Variants in CCT6B observed in about 807,000 individuals in gnomAD.
CCT6B encodes the protein chaperonin containing TCP1 subunit 6B.
A neutral mutation model predicts 61.5 loss-of-function variants in CCT6B; 49 were observed. The ratio of observed to expected loss-of-function variants is 0.80; its 90% confidence interval spans 0.63 to 1.01. The LOEUF is 1.01. CCT6B is among the 50% of genes least tolerant of loss of function. The pLI, the probability that CCT6B is intolerant of heterozygous loss-of-function variation, is 0.00. For missense variants in CCT6B, 666 were observed against 634.7 expected, an observed-to-expected ratio of 1.05 and a Z score of -0.53; for synonymous variants, 228 against 214.5, an observed-to-expected ratio of 1.06 and a Z score of -0.55.
intron 10 of CCT6B, among the ~76,000 whole-genome samples, chr17:34,937,898 T>G (rs2142145301): frequency 6.6e-6 from 1 of 152,022 alleles, no homozygotes; most frequent in East Asian, 1.9e-4. Context: ...TCTCTTTTTT[T>G]TTTTTCTGGA....
At chr17:34,944,922 T>C (rs1024631434) in intron 5 of CCT6B, among the ~76,000 whole-genome samples, 5 of 152,120 alleles carry the variant, frequency 3.3e-5, no homozygotes, top group African/African-American at 9.7e-5. Flanking sequence ...CGAGACTCCG[T>C]CTCAAAAAAG....
intron 10 of CCT6B, among the ~76,000 whole-genome samples, chr17:34,932,833 C>T (rs986317452): frequency 6.6e-6 from 1 of 152,130 alleles, no homozygotes; most frequent in South Asian, 2.1e-4. Context: ...CCAGGCTGTA[C>T]TGTAGTGGCA....
chr17:34,952,949 A>G (rs945016024), intron 4 of CCT6B, among the ~76,000 whole-genome samples: 1 of 152,170 alleles, frequency 6.6e-6, no homozygotes, highest in Non-Finnish European at 1.5e-5. Flanking sequence ...ATTTGGGGCC[A>G]TTCAAGTACT....
At chr17:34,935,658 C>G (rs2090085463) in intron 10 of CCT6B, among the ~76,000 whole-genome samples, 1 of 151,958 alleles carries the variant, frequency 6.6e-6, no homozygotes, top group Admixed American at 6.5e-5. Context: ...GAGTTCGAGA[C>G]CAGCCAGGCC....
chr17:34,944,905 G>T (rs1297885660), intron 5 of CCT6B, among the ~76,000 whole-genome samples: 1 of 152,332 alleles, frequency 6.6e-6, no homozygotes, highest in African/African-American at 2.4e-5. Context: ...CAGCCTGGGC[G>T]ACAGAGCGAG....
At chr17:34,932,246 T>C (rs569106686) in intron 11 of CCT6B, 121 bp downstream of exon 11, 2 of 850,740 alleles carry the variant, frequency 2.4e-6, no homozygotes, top group African/African-American at 1.7e-5. Flanking sequence ...AAGAGAAAAC[T>C]GTGTAAGGAA....
intron 1 of CCT6B, among the ~76,000 whole-genome samples, chr17:34,960,361 C>T (rs981726106): frequency 6.6e-6 from 1 of 152,158 alleles, no homozygotes; most frequent in African/African-American, 2.4e-5. Context: ...TGTTTTGTTT[C>T]GTTTCTGTTG....
chr17:34,935,958 AAAC>A (rs200829256), intron 10 of CCT6B, among the ~76,000 whole-genome samples: 3,861 of 152,000 alleles, frequency 0.025, 65 homozygotes, highest in East Asian at 0.091. Context: ...TTTTGACAAA[AAAC>A]AACAACAACA....
intron 12 of CCT6B, 56 bp downstream of exon 12, chr17:34,930,893 G>T (rs934695567): frequency 2.4e-6 from 2 of 848,608 alleles, no homozygotes; most frequent in Non-Finnish European, 3.9e-6. Flanking sequence ...CATAAGATCT[G>T]GGTAACTAAA....
At chr17:34,956,166 C>T (rs1208688712) in intron 3 of CCT6B, among the ~76,000 whole-genome samples, 2 of 152,192 alleles carry the variant, frequency 1.3e-5, no homozygotes, top group Non-Finnish European at 2.9e-5. Flanking sequence ...TGATCTGGCT[C>T]CCACTTCCCT....
At chr17:34,938,953 G>A (rs1213646239) in intron 10 of CCT6B, among the ~76,000 whole-genome samples, 2 of 152,016 alleles carry the variant, frequency 1.3e-5, no homozygotes, top group Non-Finnish European at 2.9e-5. Flanking sequence ...GTGTGGTGGT[G>A]TGTGCCTGTA....
intron 5 of CCT6B, chr17:34,943,800 AAAC>A (rs1345249967): frequency 6.6e-6 from 1 of 150,996 alleles, no homozygotes; most frequent in African/African-American, 2.4e-5. Flanking sequence ...TTAAAAAAAA[AAAC>A]AACTTGGCAT....
intron 10 of CCT6B, 59 bp downstream of exon 10, chr17:34,939,124 T>C (rs1254447463): frequency 7.8e-7 from 1 of 1,277,864 alleles, no homozygotes; most frequent in Non-Finnish European, 1.1e-6. Flanking sequence ...TGTGTATATA[T>C]ATATACATAT....
Position 34,927,969 on chromosome 17 carries a change from G to T in CCT6B, c.*79C>A. On this transcript the variant is annotated 3_prime_UTR_variant, in exon 14 of 14. Coordinates refer to ENST00000314144, the MANE Select transcript of CCT6B (RefSeq NM_006584.4). The stretch of plus-strand genomic sequence containing the variant: ...ATTTATTGTGTAGAAATTCAGAATG[G>T]CTCAGGCTACACAATAGTAGTCAGA... 2.1e-6 allele frequency: 2 copies of T among 955,790 alleles called. No individual in the cohort carries two copies. The highest frequency in any genetic ancestry group is 3.2e-6 in the Non-Finnish European group (2 of 632,948). The allele number at this position is 955,790 out of a possible 1,614,324, so 59.2% of individuals were successfully genotyped here. A position where few individuals can be genotyped will look rare whatever the true frequency, so the allele number is the denominator to read the frequency against.
At chr17:34,936,139 C>T (rs1317977531) in intron 10 of CCT6B, among the ~76,000 whole-genome samples, 1 of 151,950 alleles carries the variant, frequency 6.6e-6, no homozygotes, top group South Asian at 2.1e-4. Flanking sequence ...TTAGTAGAGA[C>T]AGTTTCACCA....
At chr17:34,941,181 G>T (rs1427909225) in intron 7 of CCT6B, among the ~76,000 whole-genome samples, 1 of 152,122 alleles carries the variant, frequency 6.6e-6, no homozygotes, top group Non-Finnish European at 1.5e-5. Flanking sequence ...CCATAGCAAT[G>T]AACTTTTCAT....
chr17:34,930,480 A>G (rs2090023329), intron 12 of CCT6B, among the ~76,000 whole-genome samples: 1 of 152,114 alleles, frequency 6.6e-6, no homozygotes, highest in Non-Finnish European at 1.5e-5. Context: ...CCAGTTGCCT[A>G]CATGGCTAAT....
At chr17:34,944,770 C>CA (rs931685103) in intron 5 of CCT6B, among the ~76,000 whole-genome samples, 19 of 152,196 alleles carry the variant, frequency 1.2e-4, no homozygotes, top group African/African-American at 4.6e-4. Flanking sequence ...ACTAAAAATA[C>CA]AAAAAATTAG....
intron 7 of CCT6B, 32 bp from the exon 8 acceptor site, chr17:34,940,653 A>G (rs781087802): frequency 2.1e-5 from 25 of 1,193,718 alleles, no homozygotes; most frequent in Non-Finnish European, 3.0e-5. Context: ...AATTATAAAC[A>G]TGTTTTAAAC....
Sources: gnomAD v4.1 joint callset for allele counts (sites outside exome capture counted in the v4.1 genomes callset) on GRCh38, gnomAD v4.1.1 for gene constraint, MANE v1.5 for transcripts, NCBI Gene and HGNC (gene_info 2026-07-23, HGNC 2026-07-21) for gene names.